The following ZMAT5 variants were observed in gnomAD, a reference collection of about 807,000 sequenced individuals.
ZMAT5 encodes zinc finger matrin-type protein 5.
A neutral mutation model predicts 28.0 loss-of-function variants in ZMAT5; 23 were observed. That is an observed-to-expected ratio of 0.82 (90% confidence interval 0.59 to 1.16). The LOEUF is 1.16. Ranked by LOEUF, ZMAT5 falls within the 50% of genes most tolerant of loss-of-function variation. ZMAT5 has a pLI of 0.00. For missense variants in ZMAT5, 173 were observed against 212.7 expected (o/e 0.81, Z 1.16); for synonymous variants, 76 against 84.1 (o/e 0.90, Z 0.52).
At chr22:29,761,375 A>T (rs968668679) in intron 1 of ZMAT5, among the ~76,000 whole-genome samples, 1 of 152,052 alleles carries the variant, frequency 6.6e-6, no homozygotes, top group African/African-American at 2.4e-5. Context: ...CCAGGAGTTC[A>T]AAACCAGCCT....
chr22:29,731,261 C>T lies in ZMAT5; in HGVS notation c.477G>A (p.Gly159=), dbSNP rs140904789. ...LPPSLRAPPP[G]GWPLQPRVQW... Reference sequence around the variant, plus strand: ...GGACTCTGGGCTGCAGAGGCCACCCCCCAGGTGGGGGTGCCCGCAGGGATG... The same window carrying T: ...GGACTCTGGGCTGCAGAGGCCACCCTCCAGGTGGGGGTGCCCGCAGGGATG... The change falls in exon 6 of 6, where the codon GGG becomes GGA. Residue 159 remains glycine, a synonymous_variant. Transcript: ENST00000344318. The T allele has an allele frequency of 3.3e-6, 5 of 1,518,044 alleles. No homozygotes were observed. The highest frequency in any genetic ancestry group is 4.4e-6 in the Non-Finnish European group (5 of 1,146,532). The allele number at this position is 1,518,044 out of a possible 1,614,324, so 94.0% of individuals were successfully genotyped here.
At chr22:29,748,104 T>C in intron 2 of ZMAT5, 1 of 393,192 alleles carries the variant, frequency 2.5e-6, no homozygotes, top group Middle Eastern at 8.2e-4. Context: ...GGTGCTGGAC[T>C]CAGGGCTGCC....
At chr22:29,750,518 G>A (rs140125) in intron 1 of ZMAT5, among the ~76,000 whole-genome samples, 120,416 of 152,126 alleles carry the variant, frequency 0.79, 48,453 homozygotes, top group African/African-American at 0.95. Flanking sequence ...TGGCAATTCA[G>A]TGACTCTCAT....
chr22:29,731,619 G>A (rs915220648), intron 5 of ZMAT5: 3 of 438,296 alleles, frequency 6.8e-6, no homozygotes, highest in Admixed American at 9.8e-5. Flanking sequence ...ACCTGTGGGG[G>A]ACTGATTCAA....
chr22:29,736,336 G>A (rs1238994553), intron 5 of ZMAT5, among the ~76,000 whole-genome samples: 2 of 152,224 alleles, frequency 1.3e-5, no homozygotes, highest in Admixed American at 1.3e-4. Context: ...CAACGTTTGA[G>A]TCATGTCTGT....
At position 29,732,447 on chromosome 22, in the gene ZMAT5, G is replaced by A. The variant is rs534168716; in HGVS notation, c.384-1093C>T. On this transcript the variant is annotated intron_variant, in intron 5 of 5. Transcript: ENST00000344318. ...GCTGTGGGGGACTGATTAAGTACAC[G>A]TGCACATTGGCCGGGCGCAGTGACT... Among the ~76,000 whole-genome samples, 9 of 152,262 alleles carry A rather than the reference G, an allele frequency of 5.9e-5. No homozygotes were observed. In the East Asian group the frequency reaches 9.7e-4, roughly 16 times the overall value.
intron 3 of ZMAT5, among the ~76,000 whole-genome samples, chr22:29,741,052 C>A (rs2067957827): frequency 6.6e-6 from 1 of 152,220 alleles, no homozygotes; most frequent in South Asian, 2.1e-4. Flanking sequence ...CCCAGCCCTG[C>A]CTCGATGAAC....
At chr22:29,762,603 C>G (rs2068168445) in intron 1 of ZMAT5, among the ~76,000 whole-genome samples, 1 of 152,250 alleles carries the variant, frequency 6.6e-6, no homozygotes, top group Non-Finnish European at 1.5e-5. Context: ...GCCTGTTGAT[C>G]TGTCACTGTC....
intron 1 of ZMAT5, among the ~76,000 whole-genome samples, chr22:29,765,264 CA>C: frequency 6.7e-6 from 1 of 150,350 alleles, no homozygotes; most frequent in East Asian, 2.0e-4. Flanking sequence ...ACTAAAAATA[CA>C]AAAATGAGCT....
intron 3 of ZMAT5, 131 bp from the exon 4 acceptor site, chr22:29,740,861 G>A (rs982347675): frequency 1.9e-5 from 15 of 774,840 alleles, no homozygotes; most frequent in Non-Finnish European, 3.0e-5. Flanking sequence ...ACCCTGATCC[G>A]GGACAGAAAA....
In ZMAT5 at chr22:29,730,970, T is replaced by G; in HGVS notation, c.*255A>C. ...AGCCAGACCACTGTGGTGACAGACT[T>G]TCTTTATAAACATTTGGAAGTTTTC... On this transcript the variant is annotated 3_prime_UTR_variant, in exon 6 of 6. Transcript: ENST00000344318. The G allele has an allele frequency of 9.1e-6, 3 of 330,614 alleles. No individual in the cohort carries two copies. The highest frequency in any genetic ancestry group is 9.8e-5 in the South Asian group (1 of 10,214). The allele number at this position is 330,614 out of a possible 1,614,324, so 20.5% of individuals were successfully genotyped here. A position where few individuals can be genotyped will look rare whatever the true frequency, so the allele number is the denominator to read the frequency against.
intron 1 of ZMAT5, among the ~76,000 whole-genome samples, chr22:29,756,453 C>G (rs1222083153): frequency 6.6e-6 from 1 of 152,174 alleles, no homozygotes; most frequent in Non-Finnish European, 1.5e-5. Flanking sequence ...TTCATCCTGA[C>G]CTCATCCCTG....
intron 5 of ZMAT5, among the ~76,000 whole-genome samples, chr22:29,733,930 G>A (rs1354612530): frequency 6.6e-6 from 1 of 152,218 alleles, no homozygotes; most frequent in African/African-American, 2.4e-5. Context: ...ATTGAGGTGC[G>A]TGTCTGGCAC....
chr22:29,763,156 G>C (rs907850717), intron 1 of ZMAT5, among the ~76,000 whole-genome samples: 1 of 152,022 alleles, frequency 6.6e-6, no homozygotes, highest in Admixed American at 6.6e-5. Context: ...ATCCGGGCGT[G>C]GTGGCAGGTG....
At chr22:29,736,801 G>C (rs1269568750) in intron 5 of ZMAT5, among the ~76,000 whole-genome samples, 2 of 151,320 alleles carry the variant, frequency 1.3e-5, no homozygotes, top group Non-Finnish European at 2.9e-5. Context: ...GAGGCGGGTG[G>C]ATCAGGAGGG....
intron 1 of ZMAT5, among the ~76,000 whole-genome samples, chr22:29,754,831 C>T (rs374889879): frequency 2.0e-5 from 3 of 152,178 alleles, no homozygotes; most frequent in East Asian, 3.9e-4. Flanking sequence ...GCTGAGATTG[C>T]GCCACTACAC....
intron 1 of ZMAT5, among the ~76,000 whole-genome samples, chr22:29,752,787 C>T (rs1369413125): frequency 1.3e-5 from 2 of 152,250 alleles, no homozygotes; most frequent in East Asian, 1.9e-4. Flanking sequence ...AAGTGATCCT[C>T]CCACCTCTGC....
chr22:29,750,785 T>C (rs1186492861), intron 1 of ZMAT5, among the ~76,000 whole-genome samples: 2 of 151,886 alleles, frequency 1.3e-5, no homozygotes, highest in Non-Finnish European at 2.9e-5. Context: ...AGTGGACCAA[T>C]GGGGGAACAC....
At chr22:29,751,870 G>A (rs1008426206) in intron 1 of ZMAT5, among the ~76,000 whole-genome samples, 1 of 152,100 alleles carries the variant, frequency 6.6e-6, no homozygotes, top group African/African-American at 2.4e-5. Flanking sequence ...AGGAAGTGAG[G>A]CAGGAGGCTG....
Sources: gnomAD v4.1 joint callset for allele counts (sites outside exome capture counted in the v4.1 genomes callset) on GRCh38, gnomAD v4.1.1 for gene constraint, MANE v1.5 for transcripts, NCBI Gene and HGNC (gene_info 2026-07-23, HGNC 2026-07-21) for gene names.